ELOVL6: variants seen among roughly 807,000 people sequenced by gnomAD.
ELOVL6 encodes very long chain fatty acid elongase 6.
Under a neutral mutation model 31.7 loss-of-function variants are expected in ELOVL6, and 8 were observed. That is an observed-to-expected ratio of 0.25 (90% CI 0.15 to 0.45). The LOEUF is 0.45. Ranked by LOEUF, ELOVL6 falls within the 20% of genes least tolerant of loss-of-function variation. ELOVL6 has a pLI of 1.00. For synonymous variants in ELOVL6, 101 were observed against 117.7 expected (o/e 0.86, Z 0.92); for missense variants, 126 against 326.4 (o/e 0.39, Z 4.73).
chr4:110,159,646 T>A (rs969595971), intron 1 of ELOVL6, among the ~76,000 whole-genome samples: 1 of 152,208 alleles, frequency 6.6e-6, no homozygotes, highest in Non-Finnish European at 1.5e-5. Flanking sequence ...TGTTTTTCAC[T>A]TTACAATGAT....
At chr4:110,090,248 A>C (rs1169264667) in intron 2 of ELOVL6, among the ~76,000 whole-genome samples, 1 of 152,178 alleles carries the variant, frequency 6.6e-6, no homozygotes, top group Non-Finnish European at 1.5e-5. Context: ...GTGGGTGTTT[A>C]GACTGTGTAT....
In ELOVL6 at chr4:110,051,063, T is replaced by C. The variant is rs1754824561; in HGVS notation, c.*275A>G. 1 of 405,986 alleles carries C rather than the reference T, an allele frequency of 2.5e-6. No individual in the cohort carries two copies. The highest frequency in any genetic ancestry group is 2.0e-5 in the African/African-American group (1 of 49,694). The allele number at this position is 405,986 out of a possible 1,614,324, so 25.1% of individuals were successfully genotyped here. A position where few individuals can be genotyped will look rare whatever the true frequency, so the allele number is the denominator to read the frequency against. ...TCCTCTGCTTCTGGCTTGCTTTTGT[T>C]CTCCCTTGTCCTAGAGTTGATAGAT... On this transcript the variant is annotated 3_prime_UTR_variant, in exon 4 of 4. Coordinates refer to ENST00000302274, the MANE Select transcript of ELOVL6 (RefSeq NM_024090.3). This position sits in a 1 kb window ranked among gnomAD's most constrained non-coding sequence, Gnocchi z 4.8.
chr4:110,172,414 C>G (rs1701793351), intron 1 of ELOVL6, among the ~76,000 whole-genome samples: 5 of 152,198 alleles, frequency 3.3e-5, no homozygotes, highest in Admixed American at 3.3e-4. Context: ...CTTGTAGGAA[C>G]TTAATTCTTA....
intron 1 of ELOVL6, among the ~76,000 whole-genome samples, chr4:110,192,145 G>C (rs1759641539): frequency 6.8e-6 from 1 of 146,894 alleles, no homozygotes; most frequent in East Asian, 2.0e-4. Flanking sequence ...AGCCGAGATG[G>C]AACAATTGCA....
At chr4:110,174,802 G>A (rs1485743879) in intron 1 of ELOVL6, among the ~76,000 whole-genome samples, 1 of 151,950 alleles carries the variant, frequency 6.6e-6, no homozygotes, top group Non-Finnish European at 1.5e-5. Flanking sequence ...CTTCAAAGTT[G>A]GCATATTTAG....
intron 1 of ELOVL6, among the ~76,000 whole-genome samples, chr4:110,145,394 G>A (rs1248306474): frequency 6.6e-6 from 1 of 152,116 alleles, no homozygotes; most frequent in African/African-American, 2.4e-5. Context: ...CCCCTACTCC[G>A]GAAATTACCT....
chr4:110,153,217 A>G (rs1385749500), intron 1 of ELOVL6, among the ~76,000 whole-genome samples: 5 of 152,246 alleles, frequency 3.3e-5, no homozygotes, highest in Non-Finnish European at 7.3e-5. Context: ...TTTAATAATA[A>G]TAGTGAAAAG....
intron 1 of ELOVL6, among the ~76,000 whole-genome samples, chr4:110,158,658 T>TATCTATATATATA (rs35622604): frequency 1.7e-5 from 1 of 59,580 alleles, no homozygotes; most frequent in African/African-American, 9.5e-5. Context: ...TATATATATA[T>TATCTATATATATA]TTTTTTTTTT....
chr4:110,143,329 T>C (rs1401258646), intron 1 of ELOVL6, among the ~76,000 whole-genome samples: 2 of 152,126 alleles, frequency 1.3e-5, no homozygotes, highest in East Asian at 3.8e-4. Flanking sequence ...GTTTGAGATA[T>C]TAGATGTATA....
intron 1 of ELOVL6, among the ~76,000 whole-genome samples, chr4:110,176,026 T>C (rs1759093124): frequency 7.4e-6 from 1 of 134,744 alleles, no homozygotes; most frequent in Non-Finnish European, 1.6e-5. Context: ...CTCATTGGCA[T>C]AGTGGTGAGT....
At chr4:110,073,307 A>G (rs893189220) in intron 2 of ELOVL6, among the ~76,000 whole-genome samples, 4 of 151,240 alleles carry the variant, frequency 2.6e-5, no homozygotes, top group African/African-American at 9.9e-5. Context: ...CTTTTCACAG[A>G]GGCATTTTTT....
chr4:110,089,627 G>T (rs1756364117), intron 2 of ELOVL6, among the ~76,000 whole-genome samples: 1 of 152,196 alleles, frequency 6.6e-6, no homozygotes, highest in African/African-American at 2.4e-5. Flanking sequence ...TGCTATTTTT[G>T]AGATGCAGGC....
intron 1 of ELOVL6, among the ~76,000 whole-genome samples, chr4:110,141,268 G>A (rs1052377105): frequency 1.3e-5 from 2 of 152,030 alleles, no homozygotes; most frequent in Non-Finnish European, 2.9e-5. Flanking sequence ...TCTCCATGTT[G>A]GTCAGGCTGG....
intron 1 of ELOVL6, among the ~76,000 whole-genome samples, chr4:110,146,857 G>T (rs1379964891): frequency 6.6e-6 from 1 of 152,302 alleles, no homozygotes; most frequent in East Asian, 1.9e-4. Flanking sequence ...GGGCATCCTG[G>T]TGGGCACCTG....
intron 2 of ELOVL6, among the ~76,000 whole-genome samples, chr4:110,077,490 G>C (rs1161087299): frequency 6.6e-6 from 1 of 152,152 alleles, no homozygotes; most frequent in Non-Finnish European, 1.5e-5. Context: ...GTCTGGAGTG[G>C]ACCTCCAGCA....
At chr4:110,087,314 C>T (rs747461304) in intron 2 of ELOVL6, among the ~76,000 whole-genome samples, 2 of 152,112 alleles carry the variant, frequency 1.3e-5, no homozygotes, top group East Asian at 1.9e-4. Context: ...TTTTCTTTCT[C>T]ATTTTCTGTA....
intron 1 of ELOVL6, among the ~76,000 whole-genome samples, chr4:110,108,726 T>C (rs1184760190): frequency 6.6e-6 from 1 of 152,196 alleles, no homozygotes; most frequent in Non-Finnish European, 1.5e-5. Flanking sequence ...AGCAGGTAGG[T>C]AAACACAAAA....
rs1560815193 is a variant in ELOVL6 at position 110,084,400 on chromosome 4, T to TCA, written c.221+21096_221+21097insTG. Reference sequence around the variant, plus strand: ...TGATATATATCGCATATATGATATATGATATATGACATACATGATATATCA... The same window carrying TCA: ...TGATATATATCGCATATATGATATATCAGATATATGACATACATGATATATCA... On this transcript the variant is annotated intron_variant, in intron 2 of 3. Transcript: ENST00000302274. 3.2e-3 allele frequency among the ~76,000 whole-genome samples: 294 copies of TCA among 91,470 alleles called. 3 individuals are homozygous for TCA. Among genetic ancestry groups the TCA allele is most frequent in the African/African-American group, 8.4e-3 (201 of 24,058 alleles). 60.0% of individuals were successfully genotyped at this position (91,470 alleles called of 152,430 possible). A position where few individuals can be genotyped will look rare whatever the true frequency, so the allele number is the denominator to read the frequency against.
At chr4:110,134,135 C>T (rs1757744111) in intron 1 of ELOVL6, among the ~76,000 whole-genome samples, 1 of 152,074 alleles carries the variant, frequency 6.6e-6, no homozygotes, top group African/African-American at 2.4e-5. Context: ...GTGTTGTGTA[C>T]AAAAATAAAA....
Sources: allele counts gnomAD v4.1 joint callset (sites outside exome capture counted in the v4.1 genomes callset), GRCh38; gene constraint gnomAD v4.1.1; non-coding constraint Gnocchi (gnomAD v3.1); transcripts MANE v1.5; gene names NCBI Gene and HGNC (gene_info 2026-07-23, HGNC 2026-07-21).